SPTLC3: variants seen among roughly 807,000 people sequenced by gnomAD.
SPTLC3 encodes serine palmitoyltransferase long chain base subunit 3.
SPTLC3 carries 36 observed loss-of-function variants against 59.3 expected under a neutral mutation model. That is an observed-to-expected ratio of 0.61 (90% confidence interval 0.47 to 0.80). SPTLC3 has a LOEUF of 0.80. Ranked by LOEUF, SPTLC3 falls within the 30% of genes least tolerant of loss-of-function variation. The pLI is 0.00. For synonymous variants in SPTLC3, 257 were observed against 240.8 expected, an observed-to-expected ratio of 1.07 and a Z score of -0.62; for missense variants, 625 against 685.1, an observed-to-expected ratio of 0.91 and a Z score of 0.98.
rs1458244832 is a variant in SPTLC3, at chr20:13,085,759, T to C, written c.608-5324T>C. Among the ~76,000 whole-genome samples, 4 of 152,224 alleles carry C rather than the reference T, an allele frequency of 2.6e-5. No homozygotes were observed. The East Asian group carries it at 7.7e-4, about 29-fold the overall frequency. On this transcript the variant is annotated intron_variant, in intron 4 of 11. Transcript: ENST00000399002. ...ATTCAGTAGACATGCATACAGTCCATAGATAGAATATTGGTACTTTATCTT... is the reference window on the plus strand; with the variant it reads ...ATTCAGTAGACATGCATACAGTCCACAGATAGAATATTGGTACTTTATCTT...
At chr20:13,020,470 G>A (rs190524555) in intron 1 of SPTLC3, among the ~76,000 whole-genome samples, 42 of 152,266 alleles carry the variant, frequency 2.8e-4, no homozygotes, top group African/African-American at 9.6e-4. Context: ...CAAGGTTACC[G>A]TGAGCTGTGA....
At chr20:13,120,988 C>T (rs1295690654) in intron 8 of SPTLC3, among the ~76,000 whole-genome samples, 1 of 152,236 alleles carries the variant, frequency 6.6e-6, no homozygotes, top group Non-Finnish European at 1.5e-5. Flanking sequence ...TTCTCTCCAC[C>T]TGTCAGAGCT....
chr20:13,152,400 A>G (rs1039175539), intron 9 of SPTLC3, among the ~76,000 whole-genome samples: 1 of 152,184 alleles, frequency 6.6e-6, no homozygotes, highest in African/African-American at 2.4e-5. Context: ...TTTGGTTATA[A>G]GAGGCAGAAG....
At chr20:13,090,184 G>A (rs980572666) in intron 4 of SPTLC3, among the ~76,000 whole-genome samples, 22 of 152,190 alleles carry the variant, frequency 1.4e-4, no homozygotes, top group African/African-American at 5.3e-4. Flanking sequence ...GGATCAAAGG[G>A]CAAGTATGTA....
intron 1 of SPTLC3, among the ~76,000 whole-genome samples, chr20:13,017,949 C>A (rs573544814): frequency 1.5e-3 from 232 of 152,240 alleles, no homozygotes; most frequent in Non-Finnish European, 1.7e-3. Flanking sequence ...ATCCAGCCAC[C>A]ATGCTTTAAG....
At chr20:13,141,455 G>A (rs1187993798) in intron 9 of SPTLC3, among the ~76,000 whole-genome samples, 1 of 152,204 alleles carries the variant, frequency 6.6e-6, no homozygotes, top group Non-Finnish European at 1.5e-5. Flanking sequence ...TTGGAAGAGT[G>A]TTCACTGAAT....
At chr20:13,061,871 G>T (rs1008648928) in intron 2 of SPTLC3, among the ~76,000 whole-genome samples, 19 of 152,216 alleles carry the variant, frequency 1.2e-4, no homozygotes, top group African/African-American at 4.3e-4. Context: ...AAAATCCTAA[G>T]TCAGGTCACA....
At chr20:13,027,730 A>C (rs776760326) in intron 1 of SPTLC3, among the ~76,000 whole-genome samples, 9 of 151,996 alleles carry the variant, frequency 5.9e-5, no homozygotes, top group Non-Finnish European at 1.3e-4. Flanking sequence ...CAGCTTTGGG[A>C]ATCAGTCTTA....
At chr20:13,157,731 T>C (rs80278250) in intron 10 of SPTLC3, among the ~76,000 whole-genome samples, 1,873 of 152,310 alleles carry the variant, frequency 0.012, 15 homozygotes, top group Non-Finnish European at 0.019. Context: ...ATATTATCTA[T>C]TACAGGTAGG....
intron 11 of SPTLC3, among the ~76,000 whole-genome samples, chr20:13,162,069 T>C (rs187888435): frequency 6.6e-6 from 1 of 152,348 alleles, no homozygotes; most frequent in African/African-American, 2.4e-5. Context: ...AATTGTTTCT[T>C]TTAAATGAAA....
chr20:13,105,505 T>C (rs550514407), intron 6 of SPTLC3, among the ~76,000 whole-genome samples: 57 of 152,332 alleles, frequency 3.7e-4, no homozygotes, highest in African/African-American at 1.3e-3. Context: ...TTTTTAAAAA[T>C]GGAGAAAAGC....
chr20:13,091,901 C>T (rs1394258972), intron 5 of SPTLC3, among the ~76,000 whole-genome samples: 2 of 152,164 alleles, frequency 1.3e-5, no homozygotes, highest in Admixed American at 6.5e-5. Context: ...TGAGAACCTA[C>T]TATGTCCTCA....
At chr20:13,119,155 T>A (rs4814201) in intron 8 of SPTLC3, among the ~76,000 whole-genome samples, 32,778 of 152,242 alleles carry the variant, frequency 0.22, 3,719 homozygotes, top group Middle Eastern at 0.35. Flanking sequence ...CATTGCTCTG[T>A]GAGCTTGTGG....
At chr20:13,094,034 C>T (rs865283) in intron 6 of SPTLC3, among the ~76,000 whole-genome samples, 2,050 of 152,246 alleles carry the variant, frequency 0.013, 35 homozygotes, top group African/African-American at 0.047. Context: ...ACAAAACCAT[C>T]TATTCGACTT....
At chr20:13,028,818 G>A (rs1353206599) in intron 1 of SPTLC3, among the ~76,000 whole-genome samples, 4 of 152,162 alleles carry the variant, frequency 2.6e-5, no homozygotes, top group African/African-American at 9.7e-5. Context: ...TCTCACAAGA[G>A]TGTGATATTC....
At chr20:13,158,217 G>A (rs1160820630) in intron 10 of SPTLC3, among the ~76,000 whole-genome samples, 2 of 152,140 alleles carry the variant, frequency 1.3e-5, no homozygotes, top group African/African-American at 4.8e-5. Context: ...ATTTCACAAA[G>A]TTTAGTTTCT....
Position 13,126,593 on chromosome 20 carries a change from C to A in SPTLC3, c.1155C>A (p.Asp385Glu). ...TGGGTTTCCCCTCTTTATTTAAGGACCTCGTGGATTATTTACGGGTTCACT... is the reference window on the plus strand; with the variant it reads ...TGGGTTTCCCCTCTTTATTTAAGGAACTCGTGGATTATTTACGGGTTCACT... ...ASGGYIAGRK[D>E]LVDYLRVHSH... The change falls in exon 9 of 12, where the codon GAC (aspartate) becomes GAA (glutamate). Residue 385 changes from aspartate to glutamate, a missense_variant and splice_region_variant. Coordinates refer to ENST00000399002, the MANE Select transcript of SPTLC3 (RefSeq NM_018327.4). The A allele has an allele frequency of 6.2e-7, 1 of 1,613,316 alleles. No individual in the cohort carries two copies. The highest frequency in any genetic ancestry group is 1.1e-5 in the South Asian group (1 of 90,858).
intron 1 of SPTLC3, among the ~76,000 whole-genome samples, chr20:13,012,742 T>A (rs1359771320): frequency 6.6e-6 from 1 of 152,174 alleles, no homozygotes; most frequent in Admixed American, 6.5e-5. Flanking sequence ...CTAAGGAACT[T>A]CTGAAGAATC....
intron 9 of SPTLC3, among the ~76,000 whole-genome samples, chr20:13,149,701 G>A (rs2038599481): frequency 1.3e-5 from 2 of 152,224 alleles, no homozygotes; most frequent in Admixed American, 1.3e-4. Context: ...GTTCTTAGGA[G>A]TCAGATACCC....
Sources: allele counts gnomAD v4.1 joint callset (sites outside exome capture counted in the v4.1 genomes callset), GRCh38; gene constraint gnomAD v4.1.1; transcripts MANE v1.5; gene names NCBI Gene and HGNC (gene_info 2026-07-23, HGNC 2026-07-21).